Variants in CDC23 observed in about 807,000 individuals in gnomAD.
CDC23 encodes cell division cycle protein 23 homolog.
Under a neutral mutation model 81.7 loss-of-function variants are expected in CDC23, and 26 were observed. The ratio of observed to expected loss-of-function variants is 0.32; its 90% confidence interval spans 0.23 to 0.44. The LOEUF (loss-of-function observed/expected upper bound fraction) is 0.44, where lower values mean the gene tolerates loss of function less well. CDC23 is among the 20% of genes least tolerant of loss of function. The pLI is 1.00. For missense variants in CDC23, 519 were observed against 728.0 expected, an observed-to-expected ratio of 0.71 and a Z score of 3.30; for synonymous variants, 267 against 270.8, an observed-to-expected ratio of 0.99 and a Z score of 0.14.
At chr5:138,199,868 T>TCAGATA (rs1420198998) in intron 6 of CDC23, among the ~76,000 whole-genome samples, 3 of 152,190 alleles carry the variant, frequency 2.0e-5, no homozygotes. Flanking sequence ...AGATAAGATT[T>TCAGATA]CAGATACAGA....
At chr5:138,212,766 TA>T (rs1309765192) in intron 2 of CDC23, among the ~76,000 whole-genome samples, 1 of 151,452 alleles carries the variant, frequency 6.6e-6, no homozygotes, top group Non-Finnish European at 1.5e-5. Flanking sequence ...AGTAATTGTT[TA>T]CTAATTCTCC....
intron 9 of CDC23, among the ~76,000 whole-genome samples, chr5:138,196,579 C>T (rs1452883944): frequency 3.4e-5 from 5 of 145,214 alleles, no homozygotes; most frequent in South Asian, 4.4e-4. Flanking sequence ...TGTGAGCCCC[C>T]GTGCCCGGCC....
Position 138,189,852 on chromosome 5 carries a change from A to G in CDC23, c.1479T>C (p.Tyr493=). ...SEQAAQCYIK[Y]IQDIYSCGEI... ...CCCCACAGGAATAGATATCTTGGATATATTTGATGTAACACTGGGCAGCCT... is the reference window on the plus strand; with the variant it reads ...CCCCACAGGAATAGATATCTTGGATGTATTTGATGTAACACTGGGCAGCCT... Residue 493 remains tyrosine, a synonymous_variant, in exon 14 of 16, where the codon TAT becomes TAC. Transcript: ENST00000394886. 1 of 1,614,164 alleles carries G rather than the reference A, an allele frequency of 6.2e-7. No individual in the cohort carries two copies. The highest frequency in any genetic ancestry group is 1.3e-5 in the African/African-American group (1 of 75,052).
At position 138,191,866 on chromosome 5, in the gene CDC23, T is replaced by C. The variant is rs1249042610; in HGVS notation, c.1358A>G (p.Lys453Arg). ...TCAGGACCCAATTTAAGGTACCTTT[T>C]TGGCTTCCACTAGTTGATTGAGTTT... is the stretch of plus-strand genomic sequence containing the variant. ...YEKLNQLVEA[K>R]KCYWRAYAVG... The change falls in exon 12 of 16, where the codon AAA (lysine) becomes AGA (arginine). Residue 453 changes from lysine to arginine, a missense_variant. Lys to Arg is a conservative substitution (Grantham distance 26). Transcript: ENST00000394886. 4.3e-6 allele frequency: 7 copies of C among 1,613,262 alleles called. No individual in the cohort carries two copies. The highest frequency in any genetic ancestry group is 1.3e-5 in the African/African-American group (1 of 75,044).
At position 138,188,953 on chromosome 5, in the gene CDC23, A is replaced by G. The variant is rs755497454; in HGVS notation, c.*25T>C. 11 of 1,610,074 alleles carry G rather than the reference A, an allele frequency of 6.8e-6. No individual in the cohort carries two copies. Among genetic ancestry groups the G allele is most frequent in the Non-Finnish European group, 9.3e-6 (11 of 1,177,534 alleles). ...AAGGCTTAATTAAGATGGGTCTAAC[A>G]ATGTGCTGGCTTGAGAGTAGCCAAC... On this transcript the variant is annotated 3_prime_UTR_variant, in exon 16 of 16. Coordinates refer to ENST00000394886, the MANE Select transcript of CDC23 (RefSeq NM_004661.4).
At chr5:138,201,859 ACT>A (rs1416032018) in intron 4 of CDC23, among the ~76,000 whole-genome samples, 38 of 152,066 alleles carry the variant, frequency 2.5e-4, no homozygotes, top group Non-Finnish European at 4.0e-4. Context: ...CTCAAATAAA[ACT>A]CTAAATTTCT....
At chr5:138,210,626 T>G (rs1204010491) in intron 2 of CDC23, among the ~76,000 whole-genome samples, 1 of 152,220 alleles carries the variant, frequency 6.6e-6, no homozygotes, top group Non-Finnish European at 1.5e-5. Context: ...TTTTCAGAGA[T>G]AGTCCCTAGA....
rs532006514 is a variant in CDC23 at position 138,198,085 on chromosome 5, G to A, written c.1012+114C>T. On this transcript the variant is annotated intron_variant, in intron 9 of 15. Transcript: ENST00000394886. ...AGCGATCCTCCCGCCTCAGTCTCCT[G>A]AGTAGAGGAAACTAAAGGCACGCAC... 1.0e-5 allele frequency: 8 copies of A among 763,662 alleles called. 1 individual carries two copies. The Admixed American group carries it at 1.6e-4, about 15-fold the overall frequency. 47.3% of individuals were successfully genotyped at this position (763,662 alleles called of 1,614,324 possible). A position where few individuals can be genotyped will look rare whatever the true frequency, so the allele number is the denominator to read the frequency against.
chr5:138,202,003 A>G, intron 4 of CDC23, 110 bp downstream of exon 4: 8 of 748,646 alleles, frequency 1.1e-5, no homozygotes, highest in East Asian at 2.7e-5. Flanking sequence ...GTGCTTTCCA[A>G]TTTGTAATGG....
At chr5:138,191,439 A>G in intron 13 of CDC23, 35 bp downstream of exon 13, 1 of 1,598,604 alleles carries the variant, frequency 6.3e-7, no homozygotes. Context: ...AGAAGCCAAC[A>G]GAAATATCAA....
chr5:138,207,885 C>T (rs1299790479), intron 2 of CDC23, among the ~76,000 whole-genome samples: 4 of 151,800 alleles, frequency 2.6e-5, no homozygotes, highest in East Asian at 1.9e-4. Context: ...GCCAAGATCG[C>T]GCCACATCAC....
chr5:138,212,906 C>T, intron 2 of CDC23, 85 bp downstream of exon 2: 1 of 1,082,964 alleles, frequency 9.2e-7, no homozygotes, highest in Non-Finnish European at 1.4e-6. Flanking sequence ...AAGCAGTTTG[C>T]TCTCCTCCAG....
chr5:138,205,798 A>G (rs1382848253), intron 3 of CDC23: 1 of 152,184 alleles, frequency 6.6e-6, no homozygotes, highest in African/African-American at 2.4e-5. Flanking sequence ...ATCAACCTAA[A>G]TCATAAGATC....
chr5:138,200,950 CAA>C (rs757896952), intron 6 of CDC23, 155 bp downstream of exon 6: 24 of 695,290 alleles, frequency 3.5e-5, no homozygotes, highest in Admixed American at 5.9e-5. Flanking sequence ...GTCTTTCAAA[CAA>C]AGACTTACTT....
At chr5:138,191,687 G>A in intron 12 of CDC23, 152 bp from the exon 13 acceptor site, 1 of 934,964 alleles carries the variant, frequency 1.1e-6, no homozygotes, top group Non-Finnish European at 1.7e-6. Flanking sequence ...GCTACACACT[G>A]ACATTCCCAC....
intron 3 of CDC23, among the ~76,000 whole-genome samples, chr5:138,205,305 T>C (rs1290795613): frequency 1.3e-5 from 2 of 152,148 alleles, no homozygotes; most frequent in African/African-American, 4.8e-5. Context: ...CTTAAACTCA[T>C]GGAGATAAGC....
chr5:138,210,885 C>A (rs1031630297), intron 2 of CDC23, among the ~76,000 whole-genome samples: 1 of 152,130 alleles, frequency 6.6e-6, no homozygotes, highest in African/African-American at 2.4e-5. Flanking sequence ...AGTTATTTAT[C>A]CTATTTAGGG....
At position 138,189,716 on chromosome 5, in the gene CDC23, G is replaced by A; in HGVS notation, c.1540C>T (p.Arg514Cys). The A allele has an allele frequency of 1.9e-6, 3 of 1,614,010 alleles. No homozygotes were observed. Among genetic ancestry groups the A allele is most frequent in the Non-Finnish European group, 2.5e-6 (3 of 1,179,918 alleles). The part of the protein sequence containing the change: ...VEHLEESTAF[R>C]YLAQYYFKCK... Reference sequence around the variant, plus strand: ...TTAAAATAGTACTGGGCCAGATAGCGAAAGGCAGTGCTTTCCTCCAAGTGT... The same window carrying A: ...TTAAAATAGTACTGGGCCAGATAGCAAAAGGCAGTGCTTTCCTCCAAGTGT... Residue 514 changes from arginine to cysteine, a missense_variant, in exon 15 of 16, where the codon CGC (arginine) becomes TGC (cysteine). Around this residue, in one of 4 missense-constraint regions of CDC23, gnomAD observed 175 missense variants for 337.8 expected, o/e 0.52. Coordinates refer to ENST00000394886, the MANE Select transcript of CDC23 (RefSeq NM_004661.4).
At chr5:138,203,375 C>G (rs902550239) in intron 3 of CDC23, among the ~76,000 whole-genome samples, 1 of 152,036 alleles carries the variant, frequency 6.6e-6, no homozygotes, top group African/African-American at 2.4e-5. Flanking sequence ...ATGGGAACTC[C>G]TGTACTTTCT....
Sources: gnomAD v4.1 joint callset for allele counts (sites outside exome capture counted in the v4.1 genomes callset) on GRCh38, gnomAD v4.1.1 for gene constraint, gnomAD v4.1.1 regional missense constraint, MANE v1.5 for transcripts, NCBI Gene and HGNC (gene_info 2026-07-23, HGNC 2026-07-21) for gene names.